The following BBS9 variants were observed in gnomAD, a reference collection of about 807,000 sequenced individuals.
BBS9 encodes Bardet-Biedl syndrome 9.
Under a neutral mutation model 117.7 loss-of-function variants are expected in BBS9, and 89 were observed. The ratio of observed to expected loss-of-function variants is 0.76; its 90% CI spans 0.64 to 0.90. BBS9 has a LOEUF of 0.90. BBS9 is among the 40% of genes least tolerant of loss of function. The pLI, the probability that BBS9 is intolerant of heterozygous loss-of-function variation, is 0.00. For missense variants in BBS9, 982 were observed against 1,042.2 expected, an observed-to-expected ratio of 0.94 and a Z score of 0.80; for synonymous variants, 379 against 370.9, an observed-to-expected ratio of 1.02 and a Z score of -0.25.
intron 4 of BBS9, among the ~76,000 whole-genome samples, chr7:33,171,418 A>G (rs1486331859): frequency 1.3e-5 from 2 of 152,196 alleles, no homozygotes; most frequent in East Asian, 1.9e-4. Flanking sequence ...AAGCTGAAAC[A>G]TATCTTGCTT....
At chr7:33,173,042 G>A (rs893572529) in intron 4 of BBS9, among the ~76,000 whole-genome samples, 6 of 152,250 alleles carry the variant, frequency 3.9e-5, no homozygotes, top group Admixed American at 3.9e-4. Context: ...ATTCCAGAAA[G>A]GCATATTTTA....
intron 19 of BBS9, chr7:33,390,389 A>G (rs1413866088): frequency 8.1e-6 from 8 of 985,252 alleles, no homozygotes; most frequent in Non-Finnish European, 9.6e-6. Flanking sequence ...GAGGTTTTCC[A>G]TGATTTGTAA....
At position 33,596,775 on chromosome 7, in the gene BBS9, G is replaced by A. The variant is rs184230105; in HGVS notation, c.2522-8090G>A. On this transcript the variant is annotated intron_variant, in intron 21 of 22. Coordinates refer to ENST00000242067, the MANE Select transcript of BBS9 (RefSeq NM_198428.3). ...GTGCATACACAGAAAGATAAAATAT[G>A]TTATGATCCATTCTCTCTCCTCCCC... Among the ~76,000 whole-genome samples, 12 of 152,114 alleles carry A rather than the reference G, an allele frequency of 7.9e-5. No homozygotes were observed. In the East Asian group the frequency reaches 2.1e-3, roughly 27 times the overall value.
chr7:33,464,656 G>A (rs1839913918), intron 19 of BBS9, among the ~76,000 whole-genome samples: 1 of 151,754 alleles, frequency 6.6e-6, no homozygotes, highest in Admixed American at 6.6e-5. Context: ...TAAATAAAAA[G>A]TGCTAGTGAT....
chr7:33,450,129 A>C (rs1837585218), intron 19 of BBS9, among the ~76,000 whole-genome samples: 1 of 152,138 alleles, frequency 6.6e-6, no homozygotes, highest in Non-Finnish European at 1.5e-5. Context: ...CAGTGGAATC[A>C]TGTCTTTTTG....
intron 21 of BBS9, among the ~76,000 whole-genome samples, chr7:33,579,771 CTCTAAG>C (rs1364969757): frequency 5.9e-5 from 9 of 152,162 alleles, no homozygotes; most frequent in South Asian, 2.1e-4. Context: ...CACCTCCTCA[CTCTAAG>C]TCTAAGGCAA....
intron 9 of BBS9, among the ~76,000 whole-genome samples, chr7:33,276,255 C>T (rs1800747318): frequency 6.6e-6 from 1 of 152,096 alleles, no homozygotes; most frequent in Non-Finnish European, 1.5e-5. Context: ...ACTCAATTAA[C>T]ATAAAGTTTA....
In BBS9 at chr7:33,357,891, C is replaced by T. The variant is rs1039154373; in HGVS notation, c.1589C>T (p.Pro530Leu). The T allele has an allele frequency of 1.1e-5, 17 of 1,611,692 alleles. No individual in the cohort carries two copies. The highest frequency in any genetic ancestry group is 2.2e-5 in the East Asian group (1 of 44,814). The change falls in exon 16 of 23, where the codon CCC (proline) becomes CTC (leucine). Residue 530 changes from proline (P) to leucine (L), a missense_variant. By Grantham distance (98) the Pro-to-Leu change is moderately conservative. Coordinates refer to ENST00000242067, the MANE Select transcript of BBS9 (RefSeq NM_198428.3). Reference sequence around the variant, plus strand: ...GTTATCCAATGTAAATTTAGACTTCCCCTAAAGTTAATTTGCCTACCAGGT... The same window carrying T: ...GTTATCCAATGTAAATTTAGACTTCTCCTAAAGTTAATTTGCCTACCAGGT... ...PRVIQCKFRL[P>L]LKLICLPGQP...
chr7:33,399,811 T>C (rs1828616237), intron 19 of BBS9, among the ~76,000 whole-genome samples: 1 of 152,152 alleles, frequency 6.6e-6, no homozygotes, highest in Non-Finnish European at 1.5e-5. Flanking sequence ...AGAAAAGATA[T>C]GTAAGTGCAA....
At chr7:33,378,622 A>C (rs1824355658) in intron 17 of BBS9, among the ~76,000 whole-genome samples, 2 of 152,212 alleles carry the variant, frequency 1.3e-5, no homozygotes, top group African/African-American at 4.8e-5. Flanking sequence ...TCATTTTGTC[A>C]GAGATTTTTT....
At chr7:33,294,237 C>A (rs577166184) in intron 9 of BBS9, among the ~76,000 whole-genome samples, 1 of 152,012 alleles carries the variant, frequency 6.6e-6, no homozygotes, top group Non-Finnish European at 1.5e-5. Context: ...AACCCTCCCC[C>A]CCATATGCCA....
Position 33,177,587 on chromosome 7 carries a change from A to G in BBS9, c.438A>G (p.Val146=). 1.2e-6 allele frequency: 2 copies of G among 1,606,162 alleles called. No individual in the cohort carries two copies. The highest frequency in any genetic ancestry group is 1.7e-5 in the Admixed American group (1 of 60,022). ...CNMTYGSFGG[V]KGRDLICIQS... ...TGACCTATGGATCATTTGGTGGTGT[A>G]AAAGGTAATTTGCTTTTAATCATGA... Residue 146 remains valine, a synonymous_variant, in exon 5 of 23, where the codon GTA becomes GTG. Transcript: ENST00000242067.
chr7:33,193,420 GCC>G (rs1313951700), intron 5 of BBS9, among the ~76,000 whole-genome samples: 3 of 119,856 alleles, frequency 2.5e-5, no homozygotes, highest in Non-Finnish European at 3.4e-5. Flanking sequence ...CCCTCTCTCT[GCC>G]TTTTTTTTTT....
intron 9 of BBS9, among the ~76,000 whole-genome samples, chr7:33,316,610 A>G (rs1032441725): frequency 2.0e-5 from 3 of 152,140 alleles, no homozygotes; most frequent in African/African-American, 4.8e-5. Context: ...GGTGCTAGCT[A>G]CTTGTGATTT....
At position 33,442,021 on chromosome 7, in the gene BBS9, A is replaced by G. The variant is rs1296961163; in HGVS notation, c.2115+53877A>G. On this transcript the variant is annotated intron_variant, in intron 19 of 22. Transcript: ENST00000242067. ...GTTCTTTTGCCTCAGCCTCCCCAGT[A>G]GCTGGGACTACAGGCACCCGCCACC... 2.6e-5 allele frequency among the ~76,000 whole-genome samples: 4 copies of G among 151,528 alleles called. No homozygotes were observed. In the East Asian group the frequency reaches 7.8e-4, roughly 29 times the overall value.
intron 19 of BBS9, among the ~76,000 whole-genome samples, chr7:33,423,579 CT>C (rs1833198270): frequency 6.6e-6 from 1 of 151,520 alleles, no homozygotes; most frequent in South Asian, 2.1e-4. Flanking sequence ...ATTTAAAAAT[CT>C]TGCATTGTTT....
chr7:33,332,562 A>T (rs1814330970), intron 9 of BBS9, among the ~76,000 whole-genome samples: 1 of 152,160 alleles, frequency 6.6e-6, no homozygotes, highest in South Asian at 2.1e-4. Context: ...CTGTAATCCC[A>T]GCTACTCAGG....
At position 33,316,754 on chromosome 7, in the gene BBS9, T is replaced by A. The variant is rs185841787; in HGVS notation, c.1017-19687T>A. Among the ~76,000 whole-genome samples the A allele has an allele frequency of 3.7e-3, 571 of 152,320 alleles. 2 individuals are homozygous for A. Among genetic ancestry groups the A allele is most frequent in the Non-Finnish European group, 7.0e-3 (474 of 68,020 alleles). The stretch of plus-strand genomic sequence containing the variant: ...ATTTTTTTTTGGTTGTTATAGTAGT[T>A]CTTTATATAGAAGGACGCAAGTCCT... On this transcript the variant is annotated intron_variant, in intron 9 of 22. Coordinates refer to ENST00000242067, the MANE Select transcript of BBS9 (RefSeq NM_198428.3).
At chr7:33,133,566 A>G (rs1187197447) in intron 1 of BBS9, among the ~76,000 whole-genome samples, 2 of 152,220 alleles carry the variant, frequency 1.3e-5, no homozygotes, top group African/African-American at 2.4e-5. Flanking sequence ...TAAGAGCCAG[A>G]TATGTCTGAT....
Sources: gnomAD v4.1 joint callset for allele counts (sites outside exome capture counted in the v4.1 genomes callset) on GRCh38, gnomAD v4.1.1 for gene constraint, MANE v1.5 for transcripts, NCBI Gene and HGNC (gene_info 2026-07-23, HGNC 2026-07-21) for gene names.